SYNM: variants seen among roughly 807,000 people sequenced by gnomAD.
SYNM encodes the protein synemin, also known as desmuslin.
SYNM carries 95 observed loss-of-function variants against 104.0 expected under a neutral mutation model. The observed-to-expected ratio is 0.91, with a 90% CI of 0.77 to 1.08. SYNM has a LOEUF of 1.08. Ranked by LOEUF, SYNM falls within the 50% of genes least tolerant of loss-of-function variation. The pLI, the probability that SYNM is intolerant of heterozygous loss-of-function variation, is 0.00. For synonymous variants in SYNM, 918 were observed against 869.0 expected, an observed-to-expected ratio of 1.06 and a Z score of -0.99; for missense variants, 2,150 against 2,052.2, an observed-to-expected ratio of 1.05 and a Z score of -0.92.
In SYNM at chr15:99,131,237, C is replaced by A; in HGVS notation, c.2877C>A (p.Thr959=). Reference sequence around the variant, plus strand: ...AGGTCATCGGGCAGCTGGAGGAAACCCTTCCCGAGCGCATGAGGGAGGAGC... The same window carrying A: ...AGGTCATCGGGCAGCTGGAGGAAACACTTCCCGAGCGCATGAGGGAGGAGC... ...LVEVIGQLEE[T]LPERMREELS... Residue 959 remains threonine, a synonymous_variant, in exon 4 of 4, where the codon ACC becomes ACA. Transcript: ENST00000336292. This position sits in a 1 kb window ranked among gnomAD's most constrained non-coding sequence, Gnocchi z 4.3. 2 of 1,609,208 alleles carry A rather than the reference C, an allele frequency of 1.2e-6. No homozygotes were observed. The highest frequency in any genetic ancestry group is 2.2e-5 in the South Asian group (2 of 89,760).
chr15:99,115,682 G>T (rs182376189), intron 2 of SYNM, among the ~76,000 whole-genome samples: 2 of 151,878 alleles, frequency 1.3e-5, no homozygotes, highest in East Asian at 3.9e-4. Flanking sequence ...GGCTGGTCTC[G>T]AACTCCTGAC....
chr15:99,130,371 G>A lies in SYNM; in HGVS notation c.2011G>A (p.Val671Met), dbSNP rs375383176. The change falls in exon 4 of 4, where the codon GTG (valine) becomes ATG (methionine). Residue 671 changes from valine to methionine, a missense_variant. Val to Met is a conservative substitution (Grantham distance 21, BLOSUM62 1). Transcript: ENST00000336292. ...DSFPDTKVTY[V>M]DRKELPGERK... is the part of the protein sequence containing the mutation. ...TTTTCCAGACACAAAAGTCACTTAC[G>A]TGGACAGGAAAGAGCTTCCTGGGGA... 49 of 1,613,596 alleles carry A rather than the reference G, an allele frequency of 3.0e-5. No individual in the cohort carries two copies. The highest frequency in any genetic ancestry group is 2.8e-4 in the Admixed American group (17 of 59,970).
At chr15:99,106,130 C>G in intron 1 of SYNM, 121 bp downstream of exon 1, 3 of 1,120,108 alleles carry the variant, frequency 2.7e-6, no homozygotes, top group Non-Finnish European at 3.5e-6. Flanking sequence ...ACCGGTAGGG[C>G]CCGCCCAGAG....
chr15:99,105,883 G>T lies in SYNM; in HGVS notation c.684G>T (p.Arg228=), dbSNP rs1555482646. 4 of 1,540,000 alleles carry T rather than the reference G, an allele frequency of 2.6e-6. No individual in the cohort carries two copies. The highest frequency in any genetic ancestry group is 2.3e-4 in the Middle Eastern group (1 of 4,360). Residue 228 remains arginine (R), a synonymous_variant, in exon 1 of 4, where the codon CGG becomes CGT. Transcript: ENST00000336292. ...GACTCCAGGCGGAGGAAGAGACGCG[G>T]CTGTGCGCGCAGGAGGCAGAGGCGC... The part of the protein sequence containing the change: ...ESRLQAEEET[R]LCAQEAEALR...
In SYNM at chr15:99,130,937, C is replaced by T. The variant is rs2067497791; in HGVS notation, c.2577C>T (p.Ser859=). The change falls in exon 4 of 4, where the codon TCC becomes TCT. Residue 859 remains serine (S), a synonymous_variant. Transcript: ENST00000336292. The part of the protein sequence containing the change: ...VYGQIHIEEE[S]TIRYSWQDEI... Reference sequence around the variant, plus strand: ...GGCAGATCCACATCGAGGAGGAATCCACCATCAGGTACTCTTGGCAGGATG... The same window carrying T: ...GGCAGATCCACATCGAGGAGGAATCTACCATCAGGTACTCTTGGCAGGATG... The T allele has an allele frequency of 6.2e-7, 1 of 1,613,710 alleles. No individual in the cohort carries two copies. Among genetic ancestry groups the T allele is most frequent in the Non-Finnish European group, 8.5e-7 (1 of 1,179,838 alleles).
chr15:99,121,529 GC>G (rs2067400839), intron 2 of SYNM, among the ~76,000 whole-genome samples: 1 of 152,198 alleles, frequency 6.6e-6, no homozygotes, highest in South Asian at 2.1e-4. Flanking sequence ...TAAAGCAGGT[GC>G]TTGTGAATAA....
chr15:99,114,077 G>A (rs2067324402), intron 2 of SYNM, among the ~76,000 whole-genome samples: 1 of 147,670 alleles, frequency 6.8e-6, no homozygotes, highest in Non-Finnish European at 1.5e-5. Flanking sequence ...TTACAGAACT[G>A]GAAAGTGGAG....
At chr15:99,119,549 C>A (rs1327719034) in intron 2 of SYNM, among the ~76,000 whole-genome samples, 2 of 152,188 alleles carry the variant, frequency 1.3e-5, no homozygotes, top group Non-Finnish European at 2.9e-5. Context: ...AGGACCCACG[C>A]GCCAGTCTGG....
chr15:99,108,090 TCAG>T (rs1302885400), intron 1 of SYNM, among the ~76,000 whole-genome samples: 1 of 152,048 alleles, frequency 6.6e-6, no homozygotes, highest in Non-Finnish European at 1.5e-5. Context: ...TTCTCGTGCC[TCAG>T]CCTCCCGAGT....
chr15:99,124,943 A>C (rs2067433580), intron 2 of SYNM, among the ~76,000 whole-genome samples: 1 of 152,224 alleles, frequency 6.6e-6, no homozygotes, highest in South Asian at 2.1e-4. Flanking sequence ...ACCCAGCCAG[A>C]AGCCCCACGC....
intron 1 of SYNM, among the ~76,000 whole-genome samples, chr15:99,109,270 C>G (rs7166159): frequency 0.027 from 4,100 of 152,296 alleles, 188 homozygotes; most frequent in African/African-American, 0.094. Flanking sequence ...CAAATGTGAT[C>G]TAGATCACTT....
chr15:99,106,757 C>T (rs2067248841), intron 1 of SYNM, among the ~76,000 whole-genome samples: 1 of 151,208 alleles, frequency 6.6e-6, no homozygotes, highest in Non-Finnish European at 1.5e-5. Flanking sequence ...ACACCTGTGG[C>T]TGATGTAAAC....
chr15:99,110,736 A>G (rs781802823), intron 1 of SYNM, among the ~76,000 whole-genome samples: 3 of 152,186 alleles, frequency 2.0e-5, no homozygotes, highest in African/African-American at 7.2e-5. Context: ...GCAAGATTTC[A>G]TCATCGGTTG....
downstream of SYNM, chr15:99,139,973 G>T (rs1325522479): frequency 3.9e-6 from 1 of 259,568 alleles, no homozygotes; most frequent in South Asian, 4.6e-5. Context: ...AAATCAAGGA[G>T]AGGAGAAAGA....
At chr15:99,120,679 C>T (rs1158927394) in intron 2 of SYNM, among the ~76,000 whole-genome samples, 8 of 152,328 alleles carry the variant, frequency 5.3e-5, no homozygotes, top group African/African-American at 1.4e-4. Flanking sequence ...GCCTGCTACA[C>T]AGCAGGGAAC....
rs113339493 is a variant in SYNM at position 99,133,161 on chromosome 15, CCT to C, written c.*104_*105del. On this transcript the variant is annotated 3_prime_UTR_variant, in exon 4 of 4. Transcript: ENST00000336292. ...GCCGAGGGAGTCTATGAAAATCTCCCCTTTTTTACTTTTTTAAAGAGTACTCC... is the reference window on the plus strand; with the variant it reads ...GCCGAGGGAGTCTATGAAAATCTCCCTTTTTACTTTTTTAAAGAGTACTCC... The C allele has an allele frequency of 9.9e-6, 15 of 1,516,590 alleles. 1 individual carries two copies. The highest frequency in any genetic ancestry group is 9.8e-5 in the African/African-American group (7 of 71,752). The allele number at this position is 1,516,590 out of a possible 1,614,324, so 93.9% of individuals were successfully genotyped here.
At chr15:99,136,542 G>A (rs1555486936), downstream of SYNM, 1 of 152,160 alleles carries the variant, frequency 6.6e-6, no homozygotes, top group African/African-American at 2.4e-5. Context: ...TCACATGGTG[G>A]AGAGAGAGAT....
At chr15:99,140,133 A>C (rs2068060156), downstream of SYNM, 1 of 181,236 alleles carries the variant, frequency 5.5e-6, no homozygotes. Context: ...GTAGACAAAA[A>C]GACCAGTGGA....
At chr15:99,139,039 C>T, downstream of SYNM, 1 of 476,512 alleles carries the variant, frequency 2.1e-6, no homozygotes. Flanking sequence ...CCGGGGCCCT[C>T]CCCCTGCAGC....
Sources: gnomAD v4.1 joint callset for allele counts (sites outside exome capture counted in the v4.1 genomes callset) on GRCh38, gnomAD v4.1.1 for gene constraint, Gnocchi (gnomAD v3.1) non-coding constraint, MANE v1.5 for transcripts, NCBI Gene and HGNC (gene_info 2026-07-23, HGNC 2026-07-21) for gene names.